The following TMEM92 variants were observed in gnomAD, a reference collection of about 807,000 sequenced individuals.
The protein encoded by TMEM92 is transmembrane protein 92.
A neutral mutation model predicts 14.6 loss-of-function variants in TMEM92; 15 were observed. That is an observed-to-expected ratio of 1.03 (90% CI 0.69 to 1.58). TMEM92 has a LOEUF of 1.58. Among genes scored for constraint, TMEM92 ranks in the 40% most tolerant of loss-of-function variants. TMEM92 has a pLI of 0.00. For synonymous variants in TMEM92, 85 were observed against 83.3 expected (o/e 1.02, Z -0.11); for missense variants, 174 against 202.4 (o/e 0.86, Z 0.85).
At chr17:50,277,896 G>A (rs1910482144) in intron 2 of TMEM92, among the ~76,000 whole-genome samples, 156 bp downstream of exon 2, 1 of 152,090 alleles carries the variant, frequency 6.6e-6, no homozygotes, top group African/African-American at 2.4e-5. Flanking sequence ...CAGCCAAAGA[G>A]GGAGACCCCA....
intron 1 of TMEM92, 136 bp from the exon 2 acceptor site, chr17:50,277,579 G>A: frequency 2.1e-6 from 2 of 965,082 alleles, no homozygotes; most frequent in Admixed American, 2.0e-5. Context: ...TGAGGTGGGG[G>A]GTGGCTTGCA....
chr17:50,276,540 C>T lies in TMEM92; in HGVS notation c.70-1175C>T, dbSNP rs1448891000. Among the ~76,000 whole-genome samples, 5 of 152,136 alleles carry T rather than the reference C, an allele frequency of 3.3e-5. No homozygotes were observed. The East Asian group carries it at 7.7e-4, about 23-fold the overall frequency. ...TATAAAGGTATAAAGATAAAGATAA[C>T]GGTGGTTTTGCCAAAGCTGGCTTCC... On this transcript the variant is annotated intron_variant, in intron 1 of 4. Coordinates refer to ENST00000507382, the MANE Select transcript of TMEM92 (RefSeq NM_153229.3).
chr17:50,273,577 T>C (rs555390287), upstream of TMEM92, among the ~76,000 whole-genome samples: 2 of 152,270 alleles, frequency 1.3e-5, no homozygotes, highest in South Asian at 2.1e-4. Flanking sequence ...ACACCTCCTG[T>C]AGGATTTCAA....
Position 50,279,500 on chromosome 17 carries a change from C to T in TMEM92, c.*192C>T. The T allele has an allele frequency of 1.8e-6, 1 of 555,518 alleles. No homozygotes were observed. The highest frequency in any genetic ancestry group is 3.2e-6 in the Non-Finnish European group (1 of 315,602). The allele number at this position is 555,518 out of a possible 1,614,324, so 34.4% of individuals were successfully genotyped here. On this transcript the variant is annotated 3_prime_UTR_variant, in exon 5 of 5. Transcript: ENST00000507382. Reference sequence around the variant, plus strand: ...TGCCTCTCTTGTCCTGAGGGTTAGGCTGGAGTGACAGTTTCCGCCCACCCC... The same window carrying T: ...TGCCTCTCTTGTCCTGAGGGTTAGGTTGGAGTGACAGTTTCCGCCCACCCC...
intron 1 of TMEM92, among the ~76,000 whole-genome samples, chr17:50,277,235 G>A (rs1312301038): frequency 6.6e-6 from 1 of 152,128 alleles, no homozygotes; most frequent in Admixed American, 6.5e-5. Context: ...AGAACTAGGG[G>A]AAGCGAAAGG....
At chr17:50,279,088 C>A in intron 4 of TMEM92, 92 bp downstream of exon 4, 1 of 1,425,792 alleles carries the variant, frequency 7.0e-7, no homozygotes, top group Non-Finnish European at 9.9e-7. Context: ...GCACTCTGCA[C>A]CCAGCATTGG....
rs200869494 is a variant in TMEM92 at position 50,279,187 on chromosome 17, C to T, written c.367-8C>T. ...CCCAGAAGACTGAATTCTCTCTTTTCCCTGCAGGTGATTCTGAAGCCCAGC... is the reference window on the plus strand; with the variant it reads ...CCCAGAAGACTGAATTCTCTCTTTTTCCTGCAGGTGATTCTGAAGCCCAGC... On this transcript the variant is annotated splice_region_variant and splice_polypyrimidine_tract_variant and intron_variant, in intron 4 of 4. Coordinates refer to ENST00000507382, the MANE Select transcript of TMEM92 (RefSeq NM_153229.3). The T allele has an allele frequency of 8.4e-5, 135 of 1,612,770 alleles. No individual in the cohort carries two copies. The Admixed American group carries it at 2.0e-3, about 24-fold the overall frequency.
intron 1 of TMEM92, 82 bp downstream of exon 1, chr17:50,274,652 C>T (rs1306885550): frequency 1.6e-5 from 20 of 1,268,180 alleles, no homozygotes; most frequent in Non-Finnish European, 1.7e-5. Context: ...CTGGTCGCCA[C>T]CTTCCAGAAT....
chr17:50,273,762 G>A (rs1250151834), upstream of TMEM92, among the ~76,000 whole-genome samples: 1 of 151,888 alleles, frequency 6.6e-6, no homozygotes, highest in Non-Finnish European at 1.5e-5. Context: ...TAGAACCTTC[G>A]CCTTCCCCTC....
chr17:50,273,588 G>A (rs1567786852), upstream of TMEM92, among the ~76,000 whole-genome samples: 1 of 152,228 alleles, frequency 6.6e-6, no homozygotes, highest in Non-Finnish European at 1.5e-5. Flanking sequence ...AGGATTTCAA[G>A]AGGGGAGGGG....
At chr17:50,274,631 G>C (rs373080276) in intron 1 of TMEM92, 61 bp downstream of exon 1, 2 of 1,464,864 alleles carry the variant, frequency 1.4e-6, no homozygotes, top group Non-Finnish European at 1.9e-6. Context: ...TCAGGAGCCT[G>C]CTTCTGGAGC....
Position 50,274,524 on chromosome 17 carries a change from G to A in TMEM92, c.23G>A (p.Gly8Asp), listed in dbSNP as rs1910360490. The change falls in exon 1 of 5, where the codon GGC becomes GAC. Residue 8 changes from glycine to aspartate, a missense_variant. Transcript: ENST00000507382. The stretch of plus-strand genomic sequence containing the variant: ...AGGATGTCCCAAGCTTGGGTCCCCG[G>A]CCTCGCGCCCACCTTGCTGTTCAGC... MSQAWVP[G>D]LAPTLLFSLL... 1.2e-6 allele frequency: 2 copies of A among 1,613,820 alleles called. No individual in the cohort carries two copies. The highest frequency in any genetic ancestry group is 2.7e-5 in the African/African-American group (2 of 74,920).
At chr17:50,277,791 TA>T (rs1910477502) in intron 2 of TMEM92, 51 bp downstream of exon 2, 7 of 1,610,272 alleles carry the variant, frequency 4.3e-6, no homozygotes, top group Non-Finnish European at 5.9e-6. Flanking sequence ...AGGAGCAACC[TA>T]AATCATGCCC....
upstream of TMEM92, among the ~76,000 whole-genome samples, chr17:50,273,937 G>C (rs1490907239): frequency 3.3e-5 from 5 of 152,068 alleles, no homozygotes; most frequent in African/African-American, 1.2e-4. Flanking sequence ...GCTCAGCGGT[G>C]TGGAGTTGAT....
At position 50,279,298 on chromosome 17, in the gene TMEM92, C is replaced by T. The variant is rs372827786; in HGVS notation, c.470C>T (p.Pro157Leu). 11 of 1,613,740 alleles carry T rather than the reference C, an allele frequency of 6.8e-6. No homozygotes were observed. The African/African-American group carries it at 8.0e-5, about 12-fold the overall frequency. Residue 157 changes from proline to leucine, a missense_variant, in exon 5 of 5, where the codon CCG becomes CTG. By Grantham distance (98) the Pro-to-Leu change is moderately conservative. Coordinates refer to ENST00000507382, the MANE Select transcript of TMEM92 (RefSeq NM_153229.3). ...GGGGATCAGAGGGGCATTGACAACC[C>T]GGCCTTCTGAGTCACCTCCTGCCTG... ...YTGDQRGIDN[P>L]AF
chr17:50,273,278 C>G (rs1397913349), upstream of TMEM92, among the ~76,000 whole-genome samples: 1 of 152,152 alleles, frequency 6.6e-6, no homozygotes, highest in East Asian at 1.9e-4. Flanking sequence ...AAGCCCCGGC[C>G]GCGCCCCTCC....
intron 1 of TMEM92, among the ~76,000 whole-genome samples, chr17:50,276,068 T>C (rs1598329321): frequency 6.6e-6 from 1 of 151,666 alleles, no homozygotes; most frequent in Middle Eastern, 3.4e-3. Flanking sequence ...GAGGCGGAGG[T>C]TGCAGTGAGC....
intron 4 of TMEM92, 30 bp from the exon 5 acceptor site, chr17:50,279,165 A>G (rs1191996446): frequency 2.5e-6 from 4 of 1,604,336 alleles, no homozygotes; most frequent in Non-Finnish European, 3.4e-6. Context: ...GCCAGGGCCC[A>G]GAAGACTGAA....
chr17:50,272,522 C>G (rs1218662614), upstream of TMEM92, among the ~76,000 whole-genome samples: 2 of 152,178 alleles, frequency 1.3e-5, no homozygotes, highest in Non-Finnish European at 2.9e-5. Flanking sequence ...CCAGCACTCT[C>G]AGGACGAGGT....
Sources: gnomAD v4.1 joint callset for allele counts (sites outside exome capture counted in the v4.1 genomes callset) on GRCh38, gnomAD v4.1.1 for gene constraint, MANE v1.5 for transcripts, NCBI Gene and HGNC (gene_info 2026-07-23, HGNC 2026-07-21) for gene names.